The following XRCC4 variants were observed in gnomAD, a reference collection of about 807,000 sequenced individuals.
XRCC4 encodes the protein X-ray repair cross complementing 4.
A neutral mutation model predicts 39.1 loss-of-function variants in XRCC4; 28 were observed. The ratio of observed to expected loss-of-function variants is 0.72; its 90% confidence interval spans 0.53 to 0.98. The LOEUF (loss-of-function observed/expected upper bound fraction) is 0.98. Among genes scored for constraint, XRCC4 ranks in the 50% least tolerant of loss-of-function variants. XRCC4 has a pLI of 0.00. For synonymous variants in XRCC4, 123 were observed against 126.4 expected, an observed-to-expected ratio of 0.97 and a Z score of 0.18; for missense variants, 350 against 376.4, an observed-to-expected ratio of 0.93 and a Z score of 0.58.
intron 3 of XRCC4, among the ~76,000 whole-genome samples, chr5:83,159,269 A>G (rs1202098984): frequency 1.3e-5 from 2 of 152,182 alleles, no homozygotes; most frequent in Non-Finnish European, 2.9e-5. Context: ...GCAAGGCAGT[A>G]ATTCCTTTCT....
chr5:83,171,470 G>A (rs1180432437), intron 3 of XRCC4, among the ~76,000 whole-genome samples: 1 of 151,850 alleles, frequency 6.6e-6, no homozygotes, highest in African/African-American at 2.4e-5. Flanking sequence ...ATTACAATTG[G>A]GAACTTACAC....
chr5:83,310,411 A>G (rs2112090777), intron 7 of XRCC4, among the ~76,000 whole-genome samples: 1 of 152,330 alleles, frequency 6.6e-6, no homozygotes, highest in East Asian at 1.9e-4. Flanking sequence ...AGGATGGGCC[A>G]GATATGGAGA....
chr5:83,119,646 T>C (rs1314535257), intron 3 of XRCC4, among the ~76,000 whole-genome samples: 1 of 152,188 alleles, frequency 6.6e-6, no homozygotes, highest in African/African-American at 2.4e-5. Context: ...TTAACTTTTT[T>C]GTTCAGAAAA....
At chr5:83,152,653 AGAAAT>A (rs1748767563) in intron 3 of XRCC4, among the ~76,000 whole-genome samples, 2 of 150,020 alleles carry the variant, frequency 1.3e-5, no homozygotes, top group Non-Finnish European at 3.0e-5. Context: ...AAAAAAAAAA[AGAAAT>A]AGAACTTCAA....
intron 3 of XRCC4, among the ~76,000 whole-genome samples, chr5:83,132,369 T>C (rs1747638756): frequency 6.6e-6 from 1 of 152,128 alleles, no homozygotes; most frequent in African/African-American, 2.4e-5. Flanking sequence ...TTGGTGTTGC[T>C]GTTCTCGAGG....
chr5:83,158,246 C>A (rs934240357), intron 3 of XRCC4, among the ~76,000 whole-genome samples: 2 of 151,936 alleles, frequency 1.3e-5, no homozygotes, highest in Non-Finnish European at 2.9e-5. Context: ...GAAGTGCAGA[C>A]AACAAATGGA....
At chr5:83,308,679 A>G (rs1019762322) in intron 7 of XRCC4, among the ~76,000 whole-genome samples, 2 of 152,134 alleles carry the variant, frequency 1.3e-5, no homozygotes, top group Admixed American at 1.3e-4. Context: ...TATTAAATAT[A>G]TATTTCCCAA....
chr5:83,101,313 A>G (rs1745924934), intron 1 of XRCC4, among the ~76,000 whole-genome samples: 1 of 152,106 alleles, frequency 6.6e-6, no homozygotes, highest in African/African-American at 2.4e-5. Context: ...AATCAATTTT[A>G]CAGTATCAGG....
In XRCC4 at chr5:83,103,517, C is replaced by T. The variant is rs1233840519; in HGVS notation, c.-10-1393C>T. 5.9e-5 allele frequency among the ~76,000 whole-genome samples: 9 copies of T among 152,230 alleles called. No individual in the cohort carries two copies. The East Asian group carries it at 1.7e-3, about 29-fold the overall frequency. Reference sequence around the variant, plus strand: ...TTAGAAAAATATTTGCTGTGTAGCACCAAAATTGAATATATCCATATCCTC... The same window carrying T: ...TTAGAAAAATATTTGCTGTGTAGCATCAAAATTGAATATATCCATATCCTC... On this transcript the variant is annotated intron_variant, in intron 1 of 7. Coordinates refer to ENST00000396027, the MANE Select transcript of XRCC4 (RefSeq NM_003401.5).
chr5:83,272,309 C>G (rs1157506851), intron 7 of XRCC4, among the ~76,000 whole-genome samples: 5 of 152,150 alleles, frequency 3.3e-5, no homozygotes, highest in African/African-American at 1.2e-4. Flanking sequence ...CCCCCCCAAA[C>G]CCTGTTTATA....
At chr5:83,351,162 T>C (rs1757071293) in intron 7 of XRCC4, among the ~76,000 whole-genome samples, 3 of 152,180 alleles carry the variant, frequency 2.0e-5, no homozygotes, top group South Asian at 2.1e-4. Context: ...TCTCCGGCCA[T>C]GTAAGACGGG....
intron 3 of XRCC4, among the ~76,000 whole-genome samples, chr5:83,160,439 C>T (rs1383400864): frequency 1.3e-5 from 2 of 152,054 alleles, no homozygotes; most frequent in Non-Finnish European, 2.9e-5. Flanking sequence ...ATTCTGCTTT[C>T]TTTATTAGTA....
chr5:83,275,248 C>T (rs1300191020), intron 7 of XRCC4, among the ~76,000 whole-genome samples: 5 of 151,342 alleles, frequency 3.3e-5, no homozygotes, highest in African/African-American at 1.2e-4. Context: ...CAGAAAGAAA[C>T]AGCTTTGCAG....
At chr5:83,105,242 C>G (rs911020821) in intron 2 of XRCC4, among the ~76,000 whole-genome samples, 184 bp downstream of exon 2, 93 of 152,170 alleles carry the variant, frequency 6.1e-4, no homozygotes, top group East Asian at 3.9e-4. Flanking sequence ...AATAGAAAAA[C>G]AAACGTGTCC....
chr5:83,165,215 A>G (rs1191026219), intron 3 of XRCC4, among the ~76,000 whole-genome samples: 1 of 152,104 alleles, frequency 6.6e-6, no homozygotes, highest in Non-Finnish European at 1.5e-5. Flanking sequence ...AACACACATA[A>G]CCTATGAGAA....
intron 3 of XRCC4, among the ~76,000 whole-genome samples, chr5:83,185,869 C>T (rs980416963): frequency 1.3e-5 from 2 of 152,054 alleles, no homozygotes; most frequent in African/African-American, 4.8e-5. Context: ...TGAATAATCA[C>T]TTTCTTTGAT....
chr5:83,312,832 G>A (rs1040770996), intron 7 of XRCC4, among the ~76,000 whole-genome samples: 3 of 152,150 alleles, frequency 2.0e-5, no homozygotes, highest in East Asian at 1.9e-4. Flanking sequence ...TAAGATGCAC[G>A]TAGTTGCTAA....
intron 7 of XRCC4, among the ~76,000 whole-genome samples, chr5:83,289,770 T>C (rs1754853394): frequency 6.6e-6 from 1 of 151,740 alleles, no homozygotes; most frequent in South Asian, 2.1e-4. Flanking sequence ...ACATGAGCAA[T>C]ATACATATCC....
At position 83,112,584 on chromosome 5, in the gene XRCC4, C is replaced by T. The variant is rs1746494315; in HGVS notation, c.315+1381C>T. Reference sequence around the variant, plus strand: ...TGGCATGTATATTAATCTGTTCTCACACTGCTAATAAAGACATACCCAAGG... The same window carrying T: ...TGGCATGTATATTAATCTGTTCTCATACTGCTAATAAAGACATACCCAAGG... On this transcript the variant is annotated intron_variant, in intron 3 of 7. Transcript: ENST00000396027. Among the ~76,000 whole-genome samples, 7 of 152,136 alleles carry T rather than the reference C, an allele frequency of 4.6e-5. No individual in the cohort carries two copies. The South Asian group carries it at 1.2e-3, about 27-fold the overall frequency.
Sources: allele counts gnomAD v4.1 joint callset (sites outside exome capture counted in the v4.1 genomes callset), GRCh38; gene constraint gnomAD v4.1.1; transcripts MANE v1.5; gene names NCBI Gene and HGNC (gene_info 2026-07-23, HGNC 2026-07-21).